The following MROH1 variants were observed in gnomAD, a reference collection of about 807,000 sequenced individuals.
MROH1 encodes maestro heat like repeat family member 1.
A neutral mutation model predicts 116.5 loss-of-function variants in MROH1; 117 were observed. The observed-to-expected ratio is 1.00, with a 90% CI of 0.86 to 1.17. The LOEUF is 1.17. MROH1 is among the 50% of genes most tolerant of loss of function. MROH1 has a pLI of 0.00. For synonymous variants in MROH1, 921 were observed against 583.9 expected (o/e 1.58, Z -8.32); for missense variants, 1,873 against 1,338.5 (o/e 1.40, Z -6.23).
At chr8:144,221,656 C>G (rs1021677444) in intron 13 of MROH1, among the ~76,000 whole-genome samples, 2 of 152,136 alleles carry the variant, frequency 1.3e-5, no homozygotes, top group Admixed American at 1.3e-4. Flanking sequence ...CACTCCCCAG[C>G]GTTCAGAGCT....
rs1346796319 is a variant in MROH1 at position 144,259,409 on chromosome 8, C to G, written c.4044+55C>G. 4.2e-6 allele frequency: 3 copies of G among 713,300 alleles called. No individual in the cohort carries two copies. In the African/African-American group the frequency reaches 5.2e-5, roughly 12 times the overall value. 44.2% of individuals were successfully genotyped at this position (713,300 alleles called of 1,614,324 possible). On this transcript the variant is annotated intron_variant, in intron 37 of 43. Transcript: ENST00000326134. ...ACCAAGGTGGGGCTCCTGCTCAGGA[C>G]AGGCACGGGATGCCCTTTTCTTACC...
Position 144,244,193 on chromosome 8 carries a change from TTGTC to T in MROH1, c.2556-26_2556-23del, listed in dbSNP as rs1841492483. 6 of 715,730 alleles carry T rather than the reference TTGTC, an allele frequency of 8.4e-6. No homozygotes were observed. The African/African-American group carries it at 8.7e-5, about 10-fold the overall frequency. The allele number at this position is 715,730 out of a possible 1,614,324, so 44.3% of individuals were successfully genotyped here. A position where few individuals can be genotyped will look rare whatever the true frequency, so the allele number is the denominator to read the frequency against. On this transcript the variant is annotated intron_variant, in intron 26 of 43. Transcript: ENST00000326134. ...TGTCTGAGTTTCAGCCTTAGGATCATTGTCTGGGGCCCTTAACTTGCCTCTCAGC... is the reference window on the plus strand; with the variant it reads ...TGTCTGAGTTTCAGCCTTAGGATCATTGGGGCCCTTAACTTGCCTCTCAGC...
At position 144,260,949 on chromosome 8, in the gene MROH1, T is replaced by C. The variant is rs1162646928; in HGVS notation, c.4579T>C (p.Cys1527Arg). The C allele has an allele frequency of 6.4e-6, 5 of 777,598 alleles. No individual in the cohort carries two copies. The highest frequency in any genetic ancestry group is 4.9e-5 in the East Asian group (2 of 41,236). 48.2% of individuals were successfully genotyped at this position (777,598 alleles called of 1,614,324 possible). A position where few individuals can be genotyped will look rare whatever the true frequency, so the allele number is the denominator to read the frequency against. ...GCGCATGTGTGGCCCCAATCTGGCA[T>C]GTGAGGAGCTCTCAGCTGCTTTCCA... ...ALRMCGPNLA[C>R]EELSAAFQKH... is the part of the protein sequence containing the mutation. Residue 1527 changes from cysteine (C) to arginine (R), a missense_variant, in exon 41 of 44, where the codon TGT becomes CGT. Physicochemically the swap from Cys to Arg is radical, Grantham distance 180 (BLOSUM62 -3). Coordinates refer to ENST00000326134, the MANE Select transcript of MROH1 (RefSeq NM_032450.3).
intron 12 of MROH1, among the ~76,000 whole-genome samples, chr8:144,210,328 C>G (rs1833826862): frequency 1.3e-5 from 2 of 151,972 alleles, no homozygotes; most frequent in African/African-American, 4.8e-5. Flanking sequence ...ATCCCAGCTA[C>G]TTGGGAGGCT....
chr8:144,180,630 A>G lies in MROH1; in HGVS notation c.562+107A>G. 4.7e-6 allele frequency: 5 copies of G among 1,056,608 alleles called. No homozygotes were observed. Among genetic ancestry groups the G allele is most frequent in the South Asian group, 1.7e-5 (1 of 59,730 alleles). The allele number at this position is 1,056,608 out of a possible 1,614,324, so 65.5% of individuals were successfully genotyped here. ...CAGGTGGGCACTTTAGGCTGCAGGA[A>G]GGGGGGCTGTTGGAGGGAGGGGCCC... On this transcript the variant is annotated intron_variant, in intron 7 of 43. Transcript: ENST00000326134. This position sits in a 1 kb window ranked among gnomAD's most constrained non-coding sequence, Gnocchi z 7.4.
chr8:144,155,696 C>T (rs1239932707), intron 1 of MROH1, among the ~76,000 whole-genome samples: 2 of 148,568 alleles, frequency 1.3e-5, no homozygotes, highest in Admixed American at 6.8e-5. Flanking sequence ...CCAGAATGCA[C>T]GATCTCAGCT....
intron 12 of MROH1, among the ~76,000 whole-genome samples, chr8:144,209,065 G>A (rs1231016602): frequency 1.9e-5 from 2 of 105,002 alleles, no homozygotes; most frequent in South Asian, 3.8e-4. Flanking sequence ...GTGTGTGTGT[G>A]TGTGTGTGTT....
chr8:144,218,311 A>G (rs964979356), intron 12 of MROH1, among the ~76,000 whole-genome samples: 1 of 151,996 alleles, frequency 6.6e-6, no homozygotes, highest in Non-Finnish European at 1.5e-5. Flanking sequence ...CAAAGTCCCC[A>G]TGCCAGTTTC....
In MROH1 at chr8:144,260,822, CCG is replaced by C; in HGVS notation, c.4527_4528del (p.Val1510GlyfsTer18). 1 of 778,004 alleles carries C rather than the reference CCG, an allele frequency of 1.3e-6. No homozygotes were observed. Among genetic ancestry groups the C allele is most frequent in the Non-Finnish European group, 2.4e-6 (1 of 417,556 alleles). 48.2% of individuals were successfully genotyped at this position (778,004 alleles called of 1,614,324 possible). On this transcript the variant is annotated frameshift_variant, in exon 40 of 44. Transcript: ENST00000326134. LOFTEE classifies it high-confidence loss of function. The stretch of plus-strand genomic sequence containing the variant: ...CTGCACCTGCAGGACCCTCAGGCCA[CCG>C]TGGCCAGCGTGAGTAGCCAGGGGGT...
intron 7 of MROH1, among the ~76,000 whole-genome samples, chr8:144,184,173 G>A (rs1826366337): frequency 6.6e-6 from 1 of 152,238 alleles, no homozygotes; most frequent in South Asian, 2.1e-4. Context: ...GGACTGGGAA[G>A]CCCTTAAGCT....
In MROH1 at chr8:144,238,804, CG is replaced by C; in HGVS notation, c.1390del (p.Ala464ProfsTer17). On this transcript the variant is annotated frameshift_variant, in exon 15 of 44. Coordinates refer to ENST00000326134, the MANE Select transcript of MROH1 (RefSeq NM_032450.3). LOFTEE classifies it high-confidence loss of function. ...CAAGGACCCCAAGGCCGACAGCGTG[CG>C]GGCCATCAGCGTGCGCACCCTCTAC... ...GSKDPKADSV[R>X]AISVRTLYLV... 1.3e-6 allele frequency: 1 copy of C among 774,782 alleles called. No individual in the cohort carries two copies. The allele number at this position is 774,782 out of a possible 1,614,324, so 48.0% of individuals were successfully genotyped here. A position where few individuals can be genotyped will look rare whatever the true frequency, so the allele number is the denominator to read the frequency against.
intron 35 of MROH1, among the ~76,000 whole-genome samples, chr8:144,257,228 T>C (rs1344657158): frequency 6.6e-6 from 1 of 152,176 alleles, no homozygotes; most frequent in Non-Finnish European, 1.5e-5. Flanking sequence ...ACCATGGGAC[T>C]CCAGGCTTTT....
intron 12 of MROH1, among the ~76,000 whole-genome samples, chr8:144,209,888 AGAGT>A (rs1353459057): frequency 6.8e-6 from 1 of 147,498 alleles, no homozygotes; most frequent in East Asian, 2.0e-4. Flanking sequence ...CCTTGGCTAC[AGAGT>A]GAGACCCTGT....
intron 35 of MROH1, among the ~76,000 whole-genome samples, chr8:144,255,929 C>T (rs1204890399): frequency 6.6e-6 from 1 of 152,232 alleles, no homozygotes; most frequent in Non-Finnish European, 1.5e-5. Context: ...CTCCTCGCCT[C>T]TGCGGGCGGT....
Position 144,255,488 on chromosome 8 carries a change from C to T in MROH1, c.3595-21C>T, listed in dbSNP as rs984675217. ...CTGCGGCCTGGAGGGAGGCATGGCC[C>T]TGTGATGACTTCTCCCCCAGGCTAC... On this transcript the variant is annotated intron_variant, in intron 34 of 43. Transcript: ENST00000326134. The T allele has an allele frequency of 7.7e-6, 6 of 777,650 alleles. No homozygotes were observed. In the African/African-American group the frequency reaches 8.5e-5, roughly 11 times the overall value. The allele number at this position is 777,650 out of a possible 1,614,324, so 48.2% of individuals were successfully genotyped here.
chr8:144,238,863 C>G lies in MROH1; in HGVS notation c.1446C>G (p.His482Gln), dbSNP rs1020841326. Residue 482 changes from histidine (H) to glutamine (Q), a missense_variant and splice_region_variant, in exon 15 of 44, where the codon CAC becomes CAG. By Grantham distance (24) the His-to-Gln change is conservative (BLOSUM62 0). Transcript: ENST00000326134. Reference sequence around the variant, plus strand: ...GCACCACCGTGGACAGGATGAGTCACGTGAGTGCACGGCACCCGTCCCTGC... The same window carrying G: ...GCACCACCGTGGACAGGATGAGTCAGGTGAGTGCACGGCACCCGTCCCTGC... The part of the protein sequence containing the change: ...LVSTTVDRMS[H>Q]VLWPYLLQFL... 2 of 773,068 alleles carry G rather than the reference C, an allele frequency of 2.6e-6. No individual in the cohort carries two copies. The highest frequency in any genetic ancestry group is 2.7e-5 in the South Asian group (2 of 74,586). 47.9% of individuals were successfully genotyped at this position (773,068 alleles called of 1,614,324 possible).
At chr8:144,183,793 G>A (rs73366541) in intron 7 of MROH1, among the ~76,000 whole-genome samples, 15,556 of 151,852 alleles carry the variant, frequency 0.1, 1,676 homozygotes, top group African/African-American at 0.28. Context: ...GACTACAGGC[G>A]CCCACCACCA....
At chr8:144,230,272 G>A (rs148079762) in intron 14 of MROH1, among the ~76,000 whole-genome samples, 1 of 152,138 alleles carries the variant, frequency 6.6e-6, no homozygotes, top group Admixed American at 6.5e-5. Context: ...CGGCTTAAGG[G>A]AATGTTTGGC....
intron 12 of MROH1, among the ~76,000 whole-genome samples, chr8:144,218,658 CCTCTCCCCTCCCGTCCCCT>C (rs1835811680): frequency 4.7e-5 from 6 of 128,088 alleles, no homozygotes; most frequent in East Asian, 2.5e-4. Context: ...ATCCTCCCCT[CCTCTCCCCTCCCGTCCCCT>C]CTCCCCTCCC....
Sources: gnomAD v4.1 joint callset for allele counts (sites outside exome capture counted in the v4.1 genomes callset) on GRCh38, gnomAD v4.1.1 for gene constraint, Gnocchi (gnomAD v3.1) non-coding constraint, MANE v1.5 for transcripts, NCBI Gene and HGNC (gene_info 2026-07-23, HGNC 2026-07-21) for gene names.